Variants in TACC1 observed in about 807,000 individuals in gnomAD.
The protein encoded by TACC1 is transforming acidic coiled-coil-containing protein 1.
In TACC1, 48 loss-of-function variants were observed where a neutral mutation model predicts 84.4. That is an observed-to-expected ratio of 0.57 (90% confidence interval 0.45 to 0.72). The LOEUF (loss-of-function observed/expected upper bound fraction) is 0.72. TACC1 is among the 30% of genes least tolerant of loss of function. The pLI is 0.00. For missense variants in TACC1, 920 were observed against 973.0 expected, an observed-to-expected ratio of 0.95 and a Z score of 0.72; for synonymous variants, 372 against 376.3, an observed-to-expected ratio of 0.99 and a Z score of 0.13.
chr8:38,827,061 C>T, intron 4 of TACC1, 107 bp from the exon 5 acceptor site: 4 of 941,910 alleles, frequency 4.2e-6, no homozygotes, highest in South Asian at 1.6e-5. Flanking sequence ...GTTAACCTCT[C>T]ACATATCTGT....
chr8:38,800,503 G>C (rs552910110), intron 2 of TACC1, among the ~76,000 whole-genome samples: 1 of 152,260 alleles, frequency 6.6e-6, no homozygotes, highest in East Asian at 1.9e-4. Flanking sequence ...CATGTAAGTG[G>C]AGTAGTAGAA....
intron 2 of TACC1, among the ~76,000 whole-genome samples, chr8:38,816,864 T>C (rs568007430): frequency 5.3e-5 from 8 of 152,136 alleles, no homozygotes; most frequent in Non-Finnish European, 7.4e-5. Flanking sequence ...ATTGAGCTCA[T>C]TTTCCACCCT....
At position 38,848,120 on chromosome 8, in the gene TACC1, A is replaced by AT; in HGVS notation, c.*97_*98insT. On this transcript the variant is annotated 3_prime_UTR_variant, in exon 13 of 13. Coordinates refer to ENST00000317827, the MANE Select transcript of TACC1 (RefSeq NM_006283.3). ...TCCAGGAATAATTGCCCCTTTGCAGAGAAAAAAAAAAACTTAAAAAAAGCA... is the reference window on the plus strand; with the variant it reads ...TCCAGGAATAATTGCCCCTTTGCAGATGAAAAAAAAAAACTTAAAAAAAGCA... 1 of 1,225,982 alleles carries AT rather than the reference A, an allele frequency of 8.2e-7. No individual in the cohort carries two copies. The allele number at this position is 1,225,982 out of a possible 1,614,324, so 75.9% of individuals were successfully genotyped here.
intron 9 of TACC1, among the ~76,000 whole-genome samples, chr8:38,841,609 G>T (rs1445008824): frequency 6.6e-6 from 1 of 152,170 alleles, no homozygotes; most frequent in Non-Finnish European, 1.5e-5. Context: ...GTATGGACTT[G>T]GTGAATAATG....
intron 3 of TACC1, chr8:38,824,083 C>G (rs1025646577): frequency 5.6e-6 from 7 of 1,239,212 alleles, no homozygotes; most frequent in Non-Finnish European, 7.6e-6. Context: ...CCTCTCTCCC[C>G]TCCCCCAGCC....
exon 2 of TACC1, chr8:38,742,391 T>G (rs931558733): frequency 6.6e-7 from 1 of 1,511,296 alleles, no homozygotes; most frequent in Non-Finnish European, 8.8e-7. Context: ...CTGGTCTTGA[T>G]TGCTGGCATG....
chr8:38,787,845 C>T, intron 1 of TACC1, 102 bp downstream of exon 1: 2 of 1,173,468 alleles, frequency 1.7e-6, no homozygotes, highest in Non-Finnish European at 2.3e-6. Context: ...CGAAACCGTC[C>T]TCACGGCCGT....
chr8:38,740,544 AT>A, intron 1 of TACC1, among the ~76,000 whole-genome samples: 1 of 152,364 alleles, frequency 6.6e-6, no homozygotes, highest in African/African-American at 2.4e-5. Flanking sequence ...AAGGAGTTGA[AT>A]GCACATAAAA....
chr8:38,814,964 A>C (rs1304845077), intron 2 of TACC1, among the ~76,000 whole-genome samples: 1 of 152,250 alleles, frequency 6.6e-6, no homozygotes, highest in Non-Finnish European at 1.5e-5. Context: ...CAAATCCATC[A>C]TGATTTACTT....
At chr8:38,765,896 G>C (rs1260635979) in intron 3 of TACC1, among the ~76,000 whole-genome samples, 2 of 151,922 alleles carry the variant, frequency 1.3e-5, no homozygotes, top group Non-Finnish European at 2.9e-5. Flanking sequence ...TACCAGCCTA[G>C]CCAATTTTCA....
chr8:38,805,900 G>GC, intron 2 of TACC1, among the ~76,000 whole-genome samples: 1 of 152,264 alleles, frequency 6.6e-6, no homozygotes, highest in East Asian at 1.9e-4. Context: ...CAAATTTGTG[G>GC]CATCCTTTGT....
In TACC1 at chr8:38,836,269, C is replaced by T. The variant is rs577024978; in HGVS notation, c.1821C>T (p.Leu607=). ...GCGAATCAGACAAGACAGCCGTGCT[C>T]ACCTTAATAAGAGAAGAGGTAAAAG... is the stretch of plus-strand genomic sequence containing the variant. ...CLSESDKTAV[L]TLIREEIITK... The change falls in exon 7 of 13, where the codon CTC becomes CTT. Residue 607 remains leucine (L), a synonymous_variant. Coordinates refer to ENST00000317827, the MANE Select transcript of TACC1 (RefSeq NM_006283.3). 1.1e-5 allele frequency: 18 copies of T among 1,610,548 alleles called. No individual in the cohort carries two copies. The African/African-American group carries it at 1.7e-4, about 16-fold the overall frequency.
At chr8:38,757,215 C>T (rs1310759192) in intron 3 of TACC1, 16 of 251,322 alleles carry the variant, frequency 6.4e-5, no homozygotes, top group Non-Finnish European at 7.1e-5. Context: ...GGGCGCCCCA[C>T]CCCGCCCTCC....
At chr8:38,793,229 G>A (rs868198138) in intron 2 of TACC1, among the ~76,000 whole-genome samples, 7 of 152,202 alleles carry the variant, frequency 4.6e-5, no homozygotes, top group Middle Eastern at 3.4e-3. Flanking sequence ...AGAGATAAAT[G>A]GGATCTGTGC....
intron 3 of TACC1, among the ~76,000 whole-genome samples, chr8:38,748,897 G>A (rs1808525005): frequency 6.6e-6 from 1 of 151,418 alleles, no homozygotes; most frequent in South Asian, 2.1e-4. Flanking sequence ...AAAAAAAAGA[G>A]TAAATTGAAC....
chr8:38,731,903 G>C (rs1343979651), intron 1 of TACC1, among the ~76,000 whole-genome samples: 6 of 152,190 alleles, frequency 3.9e-5, no homozygotes, highest in Admixed American at 2.0e-4. Flanking sequence ...CTTGAGGCCA[G>C]GAGTTTGAGA....
intron 2 of TACC1, among the ~76,000 whole-genome samples, chr8:38,792,758 C>T (rs910898512): frequency 2.0e-5 from 3 of 152,138 alleles, no homozygotes; most frequent in African/African-American, 7.2e-5. Flanking sequence ...AGCCACCACG[C>T]CTGGCCAGTT....
At chr8:38,757,655 C>T (rs1810367894) in intron 3 of TACC1, among the ~76,000 whole-genome samples, 1 of 152,062 alleles carries the variant, frequency 6.6e-6, no homozygotes, top group African/African-American at 2.4e-5. Flanking sequence ...CGTGGTCCTG[C>T]CCCAGTACAC....
At position 38,835,197 on chromosome 8, in the gene TACC1, C is replaced by T. The variant is rs534871327; in HGVS notation, c.1714-965C>T. ...TGAACCCGGGAGGCGGAGCTTGCAG[C>T]GAGCCGAGATTGCGCCACTGCACTC... On this transcript the variant is annotated intron_variant, in intron 6 of 12. Transcript: ENST00000317827. Among the ~76,000 whole-genome samples, 146 of 149,794 alleles carry T rather than the reference C, an allele frequency of 9.7e-4. 1 individual carries two copies. Among genetic ancestry groups the T allele is most frequent in the Non-Finnish European group, 1.4e-3 (93 of 67,704 alleles).
Sources: gnomAD v4.1 joint callset for allele counts (sites outside exome capture counted in the v4.1 genomes callset) on GRCh38, gnomAD v4.1.1 for gene constraint, MANE v1.5 for transcripts, NCBI Gene and HGNC (gene_info 2026-07-23, HGNC 2026-07-21) for gene names.